The following SLFN12L variants were observed in gnomAD, a reference collection of about 807,000 sequenced individuals.
SLFN12L encodes the protein schlafen family member 12 like, also known as schlafen family member 12-like.
SLFN12L carries 34 observed loss-of-function variants against 34.8 expected under a neutral mutation model. The ratio of observed to expected loss-of-function variants is 0.98; its 90% confidence interval spans 0.74 to 1.30. The LOEUF is 1.30. Ranked by LOEUF, SLFN12L falls within the 50% of genes most tolerant of loss-of-function variation. The pLI, the probability that SLFN12L is intolerant of heterozygous loss-of-function variation, is 0.00. For synonymous variants in SLFN12L, 259 were observed against 247.5 expected (o/e 1.05, Z -0.44); for missense variants, 703 against 696.2 (o/e 1.01, Z -0.11).
At chr17:35,491,149 C>T (rs942975462) in intron 2 of SLFN12L, 21 of 805,714 alleles carry the variant, frequency 2.6e-5, no homozygotes, top group Non-Finnish European at 4.1e-5. Flanking sequence ...GCTGCTCCTC[C>T]TGAGCCTCGG....
At chr17:35,507,467 T>G (rs918585399) in intron 2 of SLFN12L, among the ~76,000 whole-genome samples, 2 of 152,204 alleles carry the variant, frequency 1.3e-5, no homozygotes, top group African/African-American at 4.8e-5. Context: ...CAAAATAGAT[T>G]GGCTCTTGAC....
intron 2 of SLFN12L, chr17:35,498,450 A>C: frequency 7.7e-7 from 1 of 1,306,976 alleles, no homozygotes; most frequent in Non-Finnish European, 1.1e-6. Flanking sequence ...ACGACTGCGG[A>C]ATTTTCTCAT....
At chr17:35,498,149 G>C in intron 2 of SLFN12L, 2 of 582,172 alleles carry the variant, frequency 3.4e-6, no homozygotes, top group Non-Finnish European at 6.2e-6. Context: ...AGAGACGACG[G>C]AGGCGGAAGC....
At chr17:35,478,452 C>A in intron 3 of SLFN12L, 1 of 234,932 alleles carries the variant, frequency 4.3e-6, no homozygotes, top group South Asian at 7.3e-5. Flanking sequence ...TAATACATTG[C>A]CATATAACTG....
intron 1 of SLFN12L, among the ~76,000 whole-genome samples, chr17:35,530,161 C>T (rs1441639234): frequency 5.9e-5 from 8 of 134,614 alleles, no homozygotes; most frequent in Non-Finnish European, 1.1e-4. Flanking sequence ...TCCTGGCCAA[C>T]ATGGTGAAAC....
At chr17:35,511,408 T>C (rs1915640826) in intron 2 of SLFN12L, among the ~76,000 whole-genome samples, 1 of 152,244 alleles carries the variant, frequency 6.6e-6, no homozygotes, top group South Asian at 2.1e-4. Context: ...ATATTTACTA[T>C]GTACACTATT....
At chr17:35,514,177 AG>A (rs1412821908) in intron 2 of SLFN12L, among the ~76,000 whole-genome samples, 1 of 152,258 alleles carries the variant, frequency 6.6e-6, no homozygotes, top group Non-Finnish European at 1.5e-5. Flanking sequence ...TTTAAATGCA[AG>A]GAGATAATTG....
At chr17:35,503,395 C>A (rs1011002255) in intron 2 of SLFN12L, among the ~76,000 whole-genome samples, 6 of 152,294 alleles carry the variant, frequency 3.9e-5, no homozygotes, top group African/African-American at 1.2e-4. Flanking sequence ...CTATAAAAAT[C>A]TTACCTAATG....
chr17:35,464,593 A>G lies in SLFN12L; in HGVS notation c.*10330T>C, dbSNP rs1179662866. On this transcript the variant is annotated 3_prime_UTR_variant, in exon 5 of 5. Transcript: ENST00000628453. ...TTCCATCCATGTTCCTGCAAAAGACATGATCTTGTTCTTTTTTATGGCTGT... is the reference window on the plus strand; with the variant it reads ...TTCCATCCATGTTCCTGCAAAAGACGTGATCTTGTTCTTTTTTATGGCTGT... 6.6e-6 allele frequency: 1 copy of G among 152,184 alleles called. No homozygotes were observed. Among genetic ancestry groups the G allele is most frequent in the African/African-American group, 2.4e-5 (1 of 41,432 alleles). 9.4% of individuals were successfully genotyped at this position (152,184 alleles called of 1,614,324 possible).
intron 2 of SLFN12L, among the ~76,000 whole-genome samples, chr17:35,504,853 G>A (rs1915415396): frequency 6.6e-6 from 1 of 152,232 alleles, no homozygotes; most frequent in African/African-American, 2.4e-5. Flanking sequence ...TCATCCCTGA[G>A]CAGATGTGTG....
Position 35,522,384 on chromosome 17 carries a change from G to A in SLFN12L, c.-20C>T. 6.2e-7 allele frequency: 1 copy of A among 1,614,162 alleles called. No individual in the cohort carries two copies. The highest frequency in any genetic ancestry group is 8.5e-7 in the Non-Finnish European group (1 of 1,180,028). The stretch of plus-strand genomic sequence containing the variant: ...CTCCATGATCTTCATGGCCATGATG[G>A]TCTTTCCTAAGCCAGGTAAGCCATG... On this transcript the variant is annotated 5_prime_UTR_variant, in exon 2 of 5. Coordinates refer to ENST00000628453, the MANE Select transcript of SLFN12L (RefSeq NM_001363830.2).
intron 2 of SLFN12L, among the ~76,000 whole-genome samples, chr17:35,520,864 A>G (rs912766041): frequency 5.9e-5 from 9 of 152,140 alleles, no homozygotes; most frequent in African/African-American, 1.7e-4. Flanking sequence ...CTCCTCCTAT[A>G]ACCTGCTGAA....
At chr17:35,493,682 A>G (rs1597850412) in intron 2 of SLFN12L, among the ~76,000 whole-genome samples, 2 of 152,236 alleles carry the variant, frequency 1.3e-5, no homozygotes, top group Non-Finnish European at 1.5e-5. Context: ...GGTTAGTACT[A>G]CAGTATTTGC....
chr17:35,498,565 A>G lies in SLFN12L; in HGVS notation c.87-18370T>C, dbSNP rs1002365296. 2.6e-6 allele frequency: 4 copies of G among 1,510,890 alleles called. No homozygotes were observed. In the African/African-American group the frequency reaches 4.1e-5, roughly 16 times the overall value. 93.6% of individuals were successfully genotyped at this position (1,510,890 alleles called of 1,614,324 possible). A position where few individuals can be genotyped will look rare whatever the true frequency, so the allele number is the denominator to read the frequency against. On this transcript the variant is annotated intron_variant, in intron 2 of 4. Coordinates refer to ENST00000628453, the MANE Select transcript of SLFN12L (RefSeq NM_001363830.2). ...CAGAACAGTCCAAAAAGTACAGTGG[A>G]AAGTTTTTACAGCCGCTTCCATGGA...
chr17:35,474,818 G>T lies in SLFN12L; in HGVS notation c.*105C>A. The T allele has an allele frequency of 8.5e-7, 1 of 1,172,944 alleles. No homozygotes were observed. Among genetic ancestry groups the T allele is most frequent in the East Asian group, 2.6e-5 (1 of 38,274 alleles). 72.7% of individuals were successfully genotyped at this position (1,172,944 alleles called of 1,614,324 possible). On this transcript the variant is annotated 3_prime_UTR_variant, in exon 5 of 5. Transcript: ENST00000628453. ...GTGGTGGCAGGCACATGTAATCCCA[G>T]CTACTCGGGAGGCTGAGGCAGGGAA...
intron 2 of SLFN12L, chr17:35,515,045 G>T: frequency 1.8e-6 from 1 of 567,154 alleles, no homozygotes. Context: ...CTCACTCCTC[G>T]GCCAGCTTCT....
Position 35,522,429 on chromosome 17 carries a change from T to C in SLFN12L, c.-65A>G. 3.1e-6 allele frequency: 5 copies of C among 1,614,182 alleles called. No homozygotes were observed. Among genetic ancestry groups the C allele is most frequent in the African/African-American group, 1.3e-5 (1 of 75,054 alleles). On this transcript the variant is annotated 5_prime_UTR_variant, in exon 2 of 5. Transcript: ENST00000628453. Reference sequence around the variant, plus strand: ...GCCATGGACAAACAATTCTCTGTTCTTGTGGAAGCTTCTGGAGAATATCTC... The same window carrying C: ...GCCATGGACAAACAATTCTCTGTTCCTGTGGAAGCTTCTGGAGAATATCTC...
chr17:35,499,402 A>G (rs1042294124), intron 2 of SLFN12L, among the ~76,000 whole-genome samples: 3 of 152,242 alleles, frequency 2.0e-5, no homozygotes, highest in Admixed American at 6.5e-5. Context: ...AATGAATGGT[A>G]GTATTTATAC....
intron 2 of SLFN12L, among the ~76,000 whole-genome samples, chr17:35,492,976 CA>C (rs1914900064): frequency 6.6e-6 from 1 of 150,872 alleles, no homozygotes; most frequent in African/African-American, 2.4e-5. Flanking sequence ...AAAACACACA[CA>C]CACACAAGCA....
Sources: gnomAD v4.1 joint callset for allele counts (sites outside exome capture counted in the v4.1 genomes callset) on GRCh38, gnomAD v4.1.1 for gene constraint, MANE v1.5 for transcripts, NCBI Gene and HGNC (gene_info 2026-07-23, HGNC 2026-07-21) for gene names.